LOC128462377: variants seen among roughly 807,000 people sequenced by gnomAD.
the LOC128462377 span, chr16:89,317,066 C>T: frequency 1.3e-6 from 2 of 1,575,256 alleles, no homozygotes; most frequent in South Asian, 1.1e-5. Context: ...GGCGCTTCAT[C>T]ATCAACCGTC....
the LOC128462377 span, among the ~76,000 whole-genome samples, chr16:89,377,910 T>A: frequency 2.0e-5 from 3 of 151,442 alleles, no homozygotes; most frequent in Non-Finnish European, 4.4e-5. Flanking sequence ...TTCTACTCAA[T>A]GAAATGATGA....
the LOC128462377 span, among the ~76,000 whole-genome samples, chr16:89,325,903 AG>A: frequency 6.6e-6 from 1 of 152,162 alleles, no homozygotes; most frequent in Non-Finnish European, 1.5e-5. Context: ...GGGACCCTCA[AG>A]GGCATGAGCA....
chr16:89,324,219 T>C, the LOC128462377 span: 1 of 1,190,582 alleles, frequency 8.4e-7, no homozygotes, highest in Admixed American at 3.6e-5. Flanking sequence ...ATTACTGGCC[T>C]CTGCTTTGCC....
At chr16:89,382,335 A>T in the LOC128462377 span, among the ~76,000 whole-genome samples, 249 of 151,350 alleles carry the variant, frequency 1.6e-3, 1 homozygote, top group East Asian at 3.5e-3. Context: ...ATATATATAT[A>T]TTTTTTTAAA....
At chr16:89,368,371 GTTTTTT>G in the LOC128462377 span, among the ~76,000 whole-genome samples, 187 of 56,572 alleles carry the variant, frequency 3.3e-3, 1 homozygote, top group African/African-American at 8.8e-3. Context: ...TAATTTTTGT[GTTTTTT>G]TTTTTTTTTT....
At chr16:89,359,097 TATTCCAAA>T in the LOC128462377 span, among the ~76,000 whole-genome samples, 1 of 152,160 alleles carries the variant, frequency 6.6e-6, no homozygotes, top group Non-Finnish European at 1.5e-5. Context: ...CAAATTTTAA[TATTCCAAA>T]ATATATAAAA....
At chr16:89,351,646 T>A in the LOC128462377 span, among the ~76,000 whole-genome samples, 1 of 152,200 alleles carries the variant, frequency 6.6e-6, no homozygotes, top group Non-Finnish European at 1.5e-5. Context: ...ATAGGCCCTG[T>A]GACCTGGGCG....
chr16:89,416,845 T>G, the LOC128462377 span, among the ~76,000 whole-genome samples: 1 of 152,140 alleles, frequency 6.6e-6, no homozygotes, highest in Non-Finnish European at 1.5e-5. Flanking sequence ...GCAGTATCCT[T>G]TTCACAAAGA....
chr16:89,411,949 G>A, the LOC128462377 span, among the ~76,000 whole-genome samples: 12 of 136,612 alleles, frequency 8.8e-5, no homozygotes, highest in South Asian at 2.4e-4. Context: ...TCTCCTGGCC[G>A]TGCCCCATCC....
At chr16:89,395,435 C>T in the LOC128462377 span, among the ~76,000 whole-genome samples, 4 of 152,238 alleles carry the variant, frequency 2.6e-5, no homozygotes, top group African/African-American at 7.2e-5. Context: ...GAGGAGACAG[C>T]GCTGGGATGC....
At chr16:89,372,809 C>G in the LOC128462377 span, 3 of 152,126 alleles carry the variant, frequency 2.0e-5, no homozygotes, top group Admixed American at 1.3e-4. Context: ...AGTCAGAAAG[C>G]CACCCTGTGG....
chr16:89,352,617 T>C, the LOC128462377 span, among the ~76,000 whole-genome samples: 2 of 152,128 alleles, frequency 1.3e-5, no homozygotes, highest in African/African-American at 4.8e-5. Flanking sequence ...CTGTGGTAGA[T>C]CTTTGAAGGG....
At chr16:89,360,601 G>A in the LOC128462377 span, 1 of 152,182 alleles carries the variant, frequency 6.6e-6, no homozygotes, top group East Asian at 1.9e-4. Flanking sequence ...AGTCGGGAAT[G>A]ACAGCATTCT....
chr16:89,367,036 C>T, the LOC128462377 span, among the ~76,000 whole-genome samples: 1 of 152,216 alleles, frequency 6.6e-6, no homozygotes, highest in African/African-American at 2.4e-5. Flanking sequence ...GCTGGATGCC[C>T]AGCCACGGCT....
At chr16:89,392,334 C>T in the LOC128462377 span, 2 of 152,436 alleles carry the variant, frequency 1.3e-5, no homozygotes, top group African/African-American at 2.4e-5. Context: ...TTCAAACACA[C>T]TGATGGCCCA....
At chr16:89,339,222 A>G in the LOC128462377 span, among the ~76,000 whole-genome samples, 1 of 152,236 alleles carries the variant, frequency 6.6e-6, no homozygotes, top group Admixed American at 6.5e-5. Context: ...CCATTATCAC[A>G]ATGAAGGTGA....
chr16:89,405,803 C>A, the LOC128462377 span, among the ~76,000 whole-genome samples: 1 of 152,134 alleles, frequency 6.6e-6, no homozygotes. Context: ...TCCCCCAGCG[C>A]TCCTCACAAA....
the LOC128462377 span, among the ~76,000 whole-genome samples, chr16:89,396,261 G>C: frequency 5.9e-5 from 9 of 152,316 alleles, no homozygotes; most frequent in African/African-American, 2.2e-4. Flanking sequence ...CACGTCGGGA[G>C]ATGCACACGA....
the LOC128462377 span, among the ~76,000 whole-genome samples, chr16:89,370,232 C>T: frequency 6.6e-6 from 1 of 152,338 alleles, no homozygotes; most frequent in South Asian, 2.1e-4. Context: ...CGAGGGGAGC[C>T]CATGTCCAGG....
Sources: gnomAD v4.1 joint callset for allele counts (sites outside exome capture counted in the v4.1 genomes callset) on GRCh38, gnomAD v4.1.1 for gene constraint, MANE v1.5 for transcripts.